Variants in SI observed in about 807,000 individuals in gnomAD.
The protein encoded by SI is sucrase-isomaltase, intestinal.
In SI, 235 loss-of-function variants were observed where a neutral mutation model predicts 253.3. The ratio of observed to expected loss-of-function variants is 0.93; its 90% CI spans 0.83 to 1.03. The LOEUF (loss-of-function observed/expected upper bound fraction) is 1.03, where lower values mean the gene tolerates loss of function less well. Among genes scored for constraint, SI ranks in the 50% least tolerant of loss-of-function variants. The pLI is 0.00. For synonymous variants in SI, 819 were observed against 712.0 expected (o/e 1.15, Z -2.39); for missense variants, 2,442 against 2,211.1 (o/e 1.10, Z -2.09).
At chr3:165,021,111 G>T (rs577359334) in intron 27 of SI, 118 bp downstream of exon 27, 3 of 821,310 alleles carry the variant, frequency 3.7e-6, no homozygotes, top group African/African-American at 1.7e-5. Context: ...TATTTAACAC[G>T]TCTTAAATTT....
chr3:165,007,418 C>T (rs1447543301), intron 36 of SI, among the ~76,000 whole-genome samples: 2 of 152,010 alleles, frequency 1.3e-5, no homozygotes, highest in Non-Finnish European at 2.9e-5. Flanking sequence ...GAATATGAAA[C>T]ATCACATTCA....
intron 12 of SI, among the ~76,000 whole-genome samples, chr3:165,056,112 G>A (rs1396540103): frequency 6.6e-6 from 1 of 152,144 alleles, no homozygotes; most frequent in East Asian, 1.9e-4. Context: ...TTTCAGATAA[G>A]TTGAGCTAAA....
intron 44 of SI, among the ~76,000 whole-genome samples, chr3:164,989,426 A>AAGAAAGAAAGAG (rs1233314374): frequency 2.3e-3 from 347 of 148,798 alleles, no homozygotes; most frequent in South Asian, 9.0e-3. Flanking sequence ...GAAAGAAAGA[A>AAGAAAGAAAGAG]AGAAAGAAAG....
chr3:165,071,157 G>C (rs1409810585), intron 3 of SI, among the ~76,000 whole-genome samples: 1 of 151,956 alleles, frequency 6.6e-6, no homozygotes, highest in Admixed American at 6.6e-5. Context: ...CATATTCTGC[G>C]ATTCCAAGTA....
upstream of SI, among the ~76,000 whole-genome samples, chr3:165,080,216 T>C (rs550872378): frequency 2.0e-5 from 3 of 152,136 alleles, no homozygotes; most frequent in South Asian, 2.1e-4. Flanking sequence ...AGTTCTCTGA[T>C]AGATTCAAGA....
At chr3:165,055,393 A>G in intron 12 of SI, 86 bp from the exon 13 acceptor site, 1 of 680,400 alleles carries the variant, frequency 1.5e-6, no homozygotes, top group Non-Finnish European at 2.5e-6. Context: ...TGAGAATAGT[A>G]AAAAAAAATA....
chr3:164,994,445 CTTGT>C (rs377568473), intron 40 of SI, 40 bp from the exon 41 acceptor site: 4 of 1,598,508 alleles, frequency 2.5e-6, no homozygotes, highest in African/African-American at 1.3e-5. Flanking sequence ...AGCTTTGGTC[CTTGT>C]TTAAGTCATA....
At chr3:165,065,057 A>C (rs1485538942) in intron 7 of SI, among the ~76,000 whole-genome samples, 2 of 151,958 alleles carry the variant, frequency 1.3e-5, no homozygotes, top group African/African-American at 2.4e-5. Context: ...TCCTGTGAAA[A>C]CCTTTACAAA....
rs759867931 is a variant in SI at position 165,039,061 on chromosome 3, A to G, written c.2301+17T>C. ...ATATAATACTTGTGAGTCCATTAGT[A>G]TGTTAAGGTTACTTACAGATTCATA... On this transcript the variant is annotated intron_variant, in intron 20 of 47. Coordinates refer to ENST00000264382, the MANE Select transcript of SI (RefSeq NM_001041.4). 3.9e-6 allele frequency: 6 copies of G among 1,521,768 alleles called. No individual in the cohort carries two copies. The highest frequency in any genetic ancestry group is 9.1e-7 in the Non-Finnish European group (1 of 1,098,518). 94.3% of individuals were successfully genotyped at this position (1,521,768 alleles called of 1,614,324 possible).
At chr3:165,067,171 C>A (rs1714286926) in intron 6 of SI, among the ~76,000 whole-genome samples, 169 bp downstream of exon 6, 1 of 151,908 alleles carries the variant, frequency 6.6e-6, no homozygotes, top group African/African-American at 2.4e-5. Flanking sequence ...GTTCCAGTAT[C>A]TTTCATCCAC....
At chr3:165,018,121 T>G in intron 28 of SI, 55 bp from the exon 29 acceptor site, 1 of 1,004,270 alleles carries the variant, frequency 1.0e-6, no homozygotes, top group Non-Finnish European at 1.6e-6. Flanking sequence ...CATGTGAATT[T>G]AATCAATGTT....
At position 165,075,936 on chromosome 3, in the gene SI, G is replaced by T. The variant is rs1043151277; in HGVS notation, c.77C>A (p.Ala26Asp). ...CTTAGTTGCTAAAACAACAATTAAG[G>T]CAATAGCTATTATAGTAACTATGAC... ...LFVIVTIIAI[A>D]LIVVLATKTP... Residue 26 changes from alanine to aspartate, a missense_variant, in exon 2 of 48, where the codon GCC becomes GAC. By Grantham distance (126) the Ala-to-Asp change is moderately radical (BLOSUM62 -2). Coordinates refer to ENST00000264382, the MANE Select transcript of SI (RefSeq NM_001041.4). 1.2e-6 allele frequency: 2 copies of T among 1,601,088 alleles called. No individual in the cohort carries two copies. Among genetic ancestry groups the T allele is most frequent in the Non-Finnish European group, 1.7e-6 (2 of 1,169,894 alleles).
At chr3:165,075,229 C>T (rs149026150) in intron 2 of SI, among the ~76,000 whole-genome samples, 7 of 151,980 alleles carry the variant, frequency 4.6e-5, no homozygotes, top group Admixed American at 1.3e-4. Flanking sequence ...AGTAAGCTCT[C>T]AGTTTCTGGA....
upstream of SI, among the ~76,000 whole-genome samples, chr3:165,081,125 A>C (rs139044285): frequency 1.5e-3 from 229 of 152,184 alleles, no homozygotes; most frequent in African/African-American, 5.2e-3. Flanking sequence ...GATAAAAATC[A>C]CAAAATAAAT....
intron 26 of SI, among the ~76,000 whole-genome samples, chr3:165,021,668 T>A (rs983184327): frequency 6.6e-6 from 1 of 151,774 alleles, no homozygotes. Flanking sequence ...AGCTAAATAT[T>A]CTGTTGTATG....
rs1327658270 is a variant in SI, at chr3:165,007,766, T to C, written c.4267+145A>G. Reference sequence around the variant, plus strand: ...AATCCTATTCCCTACCTTCTATATATATCAAACTGATTTTTTATATATACA... The same window carrying C: ...AATCCTATTCCCTACCTTCTATATACATCAAACTGATTTTTTATATATACA... On this transcript the variant is annotated intron_variant, in intron 36 of 47. Coordinates refer to ENST00000264382, the MANE Select transcript of SI (RefSeq NM_001041.4). 1.2e-5 allele frequency: 3 copies of C among 252,652 alleles called. 1 individual carries two copies. Among genetic ancestry groups the C allele is most frequent in the East Asian group, 9.0e-5 (1 of 11,172 alleles). The allele number at this position is 252,652 out of a possible 1,614,324, so 15.7% of individuals were successfully genotyped here.
chr3:164,991,530 G>A (rs1030954517), intron 43 of SI, 53 bp from the exon 44 acceptor site: 3 of 1,584,258 alleles, frequency 1.9e-6, no homozygotes, highest in Non-Finnish European at 1.7e-6. Context: ...GGAATCATCA[G>A]CAACACTGGT....
Position 165,032,608 on chromosome 3 carries a change from T to TGTTA in SI, c.2649_2650insTAAC (p.Thr884Ter). ...ACTCTAACTTCTGTAACACTGTCTGTCAACCCAAGGATTTTTACAGTCTGA... is the reference window on the plus strand; with the variant it reads ...ACTCTAACTTCTGTAACACTGTCTGTGTTACAACCCAAGGATTTTTACAGTCTGA... On this transcript the variant is annotated stop_gained and frameshift_variant, in exon 24 of 48. Coordinates refer to ENST00000264382, the MANE Select transcript of SI (RefSeq NM_001041.4). LOFTEE classifies it high-confidence loss of function. 6.2e-7 allele frequency: 1 copy of TGTTA among 1,609,150 alleles called. No individual in the cohort carries two copies. The highest frequency in any genetic ancestry group is 8.5e-7 in the Non-Finnish European group (1 of 1,176,634).
intron 45 of SI, 143 bp from the exon 46 acceptor site, chr3:164,983,194 T>A: frequency 1.2e-6 from 1 of 801,662 alleles, no homozygotes; most frequent in Non-Finnish European, 1.9e-6. Flanking sequence ...TAAGCCTATT[T>A]AACTAATTCA....
Sources: gnomAD v4.1 joint callset for allele counts (sites outside exome capture counted in the v4.1 genomes callset) on GRCh38, gnomAD v4.1.1 for gene constraint, MANE v1.5 for transcripts, NCBI Gene and HGNC (gene_info 2026-07-23, HGNC 2026-07-21) for gene names.